Variants in C13orf46 observed in about 807,000 individuals in gnomAD.
The protein encoded by C13orf46 is chromosome 13 open reading frame 46, also known as uncharacterized protein C13orf46.
chr13:113,973,637 G>A (rs988014575), intron 1 of C13orf46, among the ~76,000 whole-genome samples, 171 bp downstream of exon 1: 9 of 152,176 alleles, frequency 5.9e-5, no homozygotes, highest in East Asian at 1.9e-4. Flanking sequence ...GCCGTGCCCC[G>A]CCTTGGACAC....
rs1230238062 is a variant in C13orf46, at chr13:113,955,577, A to T, written c.*1196T>A. 1 of 157,650 alleles carries T rather than the reference A, an allele frequency of 6.3e-6. No individual in the cohort carries two copies. Among genetic ancestry groups the T allele is most frequent in the Admixed American group, 6.7e-5 (1 of 14,872 alleles). 9.8% of individuals were successfully genotyped at this position (157,650 alleles called of 1,614,324 possible). A position where few individuals can be genotyped will look rare whatever the true frequency, so the allele number is the denominator to read the frequency against. On this transcript the variant is annotated 3_prime_UTR_variant, in exon 7 of 7. Transcript: ENST00000636427. ...AGAGGAGGAGCATCTCGTGGAGAGGAGGAGCATCTCGTGGAGCGGAGGAGC... is the reference window on the plus strand; with the variant it reads ...AGAGGAGGAGCATCTCGTGGAGAGGTGGAGCATCTCGTGGAGCGGAGGAGC...
chr13:113,957,243 C>T (rs1429495499), intron 6 of C13orf46, among the ~76,000 whole-genome samples: 4 of 142,996 alleles, frequency 2.8e-5, no homozygotes, highest in African/African-American at 7.9e-5. Context: ...CACTGGGGGT[C>T]TCCCCTGCAC....
intron 6 of C13orf46, among the ~76,000 whole-genome samples, chr13:113,962,335 G>A (rs1474512655): frequency 6.6e-6 from 1 of 152,306 alleles, no homozygotes; most frequent in African/African-American, 2.4e-5. Context: ...GAACCTGGGG[G>A]GCGGAGCTTG....
At chr13:113,963,066 C>T (rs981529068) in intron 6 of C13orf46, among the ~76,000 whole-genome samples, 95 of 152,316 alleles carry the variant, frequency 6.2e-4, no homozygotes, top group African/African-American at 2.2e-3. Context: ...AGCAGCAATC[C>T]GTCAGCAAAG....
intron 1 of C13orf46, among the ~76,000 whole-genome samples, chr13:113,973,479 G>A (rs1016771237): frequency 2.0e-5 from 3 of 152,136 alleles, no homozygotes; most frequent in African/African-American, 4.8e-5. Context: ...AAGGCTGATC[G>A]AGACCCAAAG....
the C13orf46 span, among the ~76,000 whole-genome samples, chr13:113,930,395 C>T: frequency 2.6e-5 from 4 of 150,990 alleles, no homozygotes; most frequent in Non-Finnish European, 5.9e-5. Context: ...CGCAGGAGCA[C>T]CGAGGCGGGG....
chr13:113,972,703 G>A (rs543047939), intron 1 of C13orf46, among the ~76,000 whole-genome samples: 70 of 152,236 alleles, frequency 4.6e-4, no homozygotes, highest in Non-Finnish European at 8.2e-4. Context: ...GAAGCCAACC[G>A]TGTCAAACAC....
chr13:113,934,451 C>T, the C13orf46 span, among the ~76,000 whole-genome samples: 7 of 152,172 alleles, frequency 4.6e-5, no homozygotes, highest in African/African-American at 1.2e-4. Context: ...GGGTGTGGGG[C>T]CACAATTAGA....
chr13:113,972,169 C>T (rs1245529218), intron 1 of C13orf46, among the ~76,000 whole-genome samples: 2 of 152,178 alleles, frequency 1.3e-5, no homozygotes, highest in Non-Finnish European at 2.9e-5. Context: ...GTGGTGGCAT[C>T]GGGCGGCATT....
rs1427852921 is a variant in C13orf46, at chr13:113,953,794, A to G, written c.*2979T>C. The G allele has an allele frequency of 6.6e-6, 1 of 152,170 alleles. No individual in the cohort carries two copies. Among genetic ancestry groups the G allele is most frequent in the Non-Finnish European group, 1.5e-5 (1 of 68,054 alleles). The allele number at this position is 152,170 out of a possible 1,614,324, so 9.4% of individuals were successfully genotyped here. The stretch of plus-strand genomic sequence containing the variant: ...GCCTCCTGCCCCACCAAGGGGACAA[A>G]CCAACCGTATTTCCGGAAGCTTCTC... On this transcript the variant is annotated 3_prime_UTR_variant, in exon 7 of 7. Coordinates refer to ENST00000636427, the MANE Select transcript of C13orf46 (RefSeq NM_001365455.2).
chr13:113,934,616 A>C, the C13orf46 span, among the ~76,000 whole-genome samples: 1 of 152,386 alleles, frequency 6.6e-6, no homozygotes, highest in South Asian at 2.1e-4. Flanking sequence ...GCTACGGTGA[A>C]TCGAACTGCC....
chr13:113,971,556 C>A (rs1299624379), intron 1 of C13orf46, among the ~76,000 whole-genome samples: 4 of 152,228 alleles, frequency 2.6e-5, no homozygotes, highest in Admixed American at 2.6e-4. Flanking sequence ...GCCGGCCTCT[C>A]TGGGCTGCCC....
In C13orf46 at chr13:113,968,778, A is replaced by G. The variant is rs914860322; in HGVS notation, c.243-18T>C. 3.9e-5 allele frequency: 6 copies of G among 152,264 alleles called. No homozygotes were observed. The highest frequency in any genetic ancestry group is 1.2e-4 in the African/African-American group (5 of 41,434). The allele number at this position is 152,264 out of a possible 1,614,324, so 9.4% of individuals were successfully genotyped here. A position where few individuals can be genotyped will look rare whatever the true frequency, so the allele number is the denominator to read the frequency against. ...TTTTCTGACTGCGGGAGGAGCAGGG[A>G]AAGTGGTTTGGAAGAGACGGCAGAT... On this transcript the variant is annotated intron_variant, in intron 2 of 6. Transcript: ENST00000636427.
At chr13:113,927,597 C>A in the C13orf46 span, 1 of 398,692 alleles carries the variant, frequency 2.5e-6, no homozygotes. Context: ...AGGGATCCTA[C>A]GGTGGGGAGT....
At chr13:113,935,824 A>G in the C13orf46 span, among the ~76,000 whole-genome samples, 1 of 152,256 alleles carries the variant, frequency 6.6e-6, no homozygotes, top group Admixed American at 6.5e-5. Context: ...TTAAAAGAGA[A>G]ATAAACAGCC....
At position 113,955,209 on chromosome 13, in the gene C13orf46, CGAG is replaced by C. The variant is rs1430640095; in HGVS notation, c.*1561_*1563del. On this transcript the variant is annotated 3_prime_UTR_variant, in exon 7 of 7. Coordinates refer to ENST00000636427, the MANE Select transcript of C13orf46 (RefSeq NM_001365455.2). The stretch of plus-strand genomic sequence containing the variant: ...GGAGAGGAGGAGCATCCCGTGGAGA[CGAG>C]GAGCATCCCGTGGAGACGAGGAGCA... 9.6e-6 allele frequency: 1 copy of C among 104,432 alleles called. No homozygotes were observed. Among genetic ancestry groups the C allele is most frequent in the African/African-American group, 4.8e-5 (1 of 20,892 alleles). 6.5% of individuals were successfully genotyped at this position (104,432 alleles called of 1,614,324 possible). A position where few individuals can be genotyped will look rare whatever the true frequency, so the allele number is the denominator to read the frequency against.
the C13orf46 span, among the ~76,000 whole-genome samples, chr13:113,941,762 T>C: frequency 4.6e-5 from 7 of 152,204 alleles, no homozygotes; most frequent in Non-Finnish European, 8.8e-5. Flanking sequence ...AGAAGGCAGC[T>C]GCGCAGGGTC....
chr13:113,951,886 G>T (rs2052490243), downstream of C13orf46, among the ~76,000 whole-genome samples: 1 of 152,228 alleles, frequency 6.6e-6, no homozygotes. Flanking sequence ...CTCCGGACAG[G>T]GCCTGGCAGG....
chr13:113,939,213 C>T, the C13orf46 span, among the ~76,000 whole-genome samples: 6 of 152,196 alleles, frequency 3.9e-5, no homozygotes, highest in Admixed American at 2.0e-4. Flanking sequence ...CTGCCTGACA[C>T]GTTCCAGCCA....
Sources: allele counts gnomAD v4.1 joint callset (sites outside exome capture counted in the v4.1 genomes callset), GRCh38; gene constraint gnomAD v4.1.1; transcripts MANE v1.5; gene names NCBI Gene and HGNC (gene_info 2026-07-23, HGNC 2026-07-21).